ARHGEF12: variants seen among roughly 807,000 people sequenced by gnomAD.
The protein encoded by ARHGEF12 is Rho guanine nucleotide exchange factor 12.
Under a neutral mutation model 211.2 loss-of-function variants are expected in ARHGEF12, and 66 were observed. The ratio of observed to expected loss-of-function variants is 0.31; its 90% CI spans 0.26 to 0.38. The LOEUF (loss-of-function observed/expected upper bound fraction) is 0.38, where lower values mean the gene tolerates loss of function less well. ARHGEF12 is among the 10% of genes least tolerant of loss of function. The pLI, the probability that ARHGEF12 is intolerant of heterozygous loss-of-function variation, is 1.00. For synonymous variants in ARHGEF12, 592 were observed against 638.4 expected, an observed-to-expected ratio of 0.93 and a Z score of 1.09; for missense variants, 1,429 against 1,869.5, an observed-to-expected ratio of 0.76 and a Z score of 4.34.
intron 1 of ARHGEF12, among the ~76,000 whole-genome samples, chr11:120,389,140 G>A (rs1565446303): frequency 6.6e-6 from 1 of 152,160 alleles, no homozygotes; most frequent in Non-Finnish European, 1.5e-5. Context: ...CAAGGTGCTA[G>A]GATTACAGGC....
In ARHGEF12 at chr11:120,475,523, G is replaced by A. The variant is rs1947002466; in HGVS notation, c.3277+16G>A. The A allele has an allele frequency of 8.7e-6, 14 of 1,610,266 alleles. No individual in the cohort carries two copies. The highest frequency in any genetic ancestry group is 1.7e-5 in the Admixed American group (1 of 59,762). ...GTGGCAACAGGCAAGTATGTCCACT[G>A]AAGGATACTAATTTCCAGATTCATT... On this transcript the variant is annotated intron_variant, in intron 33 of 40. Coordinates refer to ENST00000397843, the MANE Select transcript of ARHGEF12 (RefSeq NM_015313.3).
chr11:120,349,963 G>A (rs1158260417), intron 1 of ARHGEF12, among the ~76,000 whole-genome samples: 4 of 152,264 alleles, frequency 2.6e-5, no homozygotes, highest in East Asian at 3.9e-4. Flanking sequence ...AATTCAGACC[G>A]TGGAACATCT....
chr11:120,437,747 G>T (rs1422441462), intron 12 of ARHGEF12, among the ~76,000 whole-genome samples: 2 of 151,960 alleles, frequency 1.3e-5, no homozygotes, highest in South Asian at 4.2e-4. Flanking sequence ...CTTCCCCCTA[G>T]CCCCTGGCAG....
chr11:120,478,104 AAGTT>A, intron 36 of ARHGEF12, 48 bp from the exon 37 acceptor site: 1 of 1,280,008 alleles, frequency 7.8e-7, no homozygotes, highest in Non-Finnish European at 1.1e-6. Context: ...TTCATGTTAA[AAGTT>A]AAAAGCTTTG....
At chr11:120,421,119 G>A (rs1002658595) in intron 5 of ARHGEF12, among the ~76,000 whole-genome samples, 7 of 152,118 alleles carry the variant, frequency 4.6e-5, no homozygotes, top group African/African-American at 1.7e-4. Context: ...CCACACAAAA[G>A]TTTCTGAAAT....
At chr11:120,484,905 T>C (rs934836519) in intron 40 of ARHGEF12, among the ~76,000 whole-genome samples, 162 bp from the exon 41 acceptor site, 1 of 152,224 alleles carries the variant, frequency 6.6e-6, no homozygotes, top group Admixed American at 6.5e-5. Context: ...CTCCCCTGAC[T>C]GCAGATGGAT....
intron 10 of ARHGEF12, 56 bp downstream of exon 10, chr11:120,429,887 G>A: frequency 6.4e-7 from 1 of 1,568,366 alleles, no homozygotes; most frequent in East Asian, 2.3e-5. Flanking sequence ...TTTCTTCTGG[G>A]AATGTGTCAG....
rs1170801124 is a variant in ARHGEF12 at position 120,487,842 on chromosome 11, C to T, written c.*2765C>T. Reference sequence around the variant, plus strand: ...CAGTTAATCAAGGCAAATCAGCAAGCCCCCAAAGTGCTGTAATTTAACATC... The same window carrying T: ...CAGTTAATCAAGGCAAATCAGCAAGTCCCCAAAGTGCTGTAATTTAACATC... On this transcript the variant is annotated 3_prime_UTR_variant, in exon 41 of 41. Transcript: ENST00000397843. 1.4e-5 allele frequency: 3 copies of T among 219,764 alleles called. No homozygotes were observed. In the East Asian group the frequency reaches 2.0e-4, roughly 15 times the overall value. The allele number at this position is 219,764 out of a possible 1,614,324, so 13.6% of individuals were successfully genotyped here. A position where few individuals can be genotyped will look rare whatever the true frequency, so the allele number is the denominator to read the frequency against.
At chr11:120,406,679 C>G (rs12363974) in intron 2 of ARHGEF12, among the ~76,000 whole-genome samples, 28,275 of 152,142 alleles carry the variant, frequency 0.19, 2,955 homozygotes, top group Non-Finnish European at 0.23. Flanking sequence ...CTGCCTCAGC[C>G]TCCCGAGTAG....
rs749298087 is a variant in ARHGEF12 at position 120,445,455 on chromosome 11, G to A, written c.1336G>A (p.Ala446Thr). 18 of 1,614,150 alleles carry A rather than the reference G, an allele frequency of 1.1e-5. No homozygotes were observed. The South Asian group carries it at 1.9e-4, about 17-fold the overall frequency. Residue 446 changes from alanine to threonine, a missense_variant, in exon 16 of 41, where the codon GCA (alanine) becomes ACA (threonine). Coordinates refer to ENST00000397843, the MANE Select transcript of ARHGEF12 (RefSeq NM_015313.3). ...AGTTTCTGTTCCTGATGAAATGTCT[G>A]CAGATCTAGGTAAGCTTGGAGCACT... is the stretch of plus-strand genomic sequence containing the variant. The part of the protein sequence containing the change: ...LKVSVPDEMS[A>T]DLEKRRPELI...
chr11:120,440,538 A>G (rs1945838318), intron 13 of ARHGEF12, among the ~76,000 whole-genome samples: 1 of 152,218 alleles, frequency 6.6e-6, no homozygotes, highest in Non-Finnish European at 1.5e-5. Flanking sequence ...GAATATGATT[A>G]GCTAGATTCT....
chr11:120,372,773 A>G (rs1029755433), intron 1 of ARHGEF12, among the ~76,000 whole-genome samples: 2 of 152,142 alleles, frequency 1.3e-5, no homozygotes, highest in African/African-American at 4.8e-5. Flanking sequence ...TGGAAAAGTT[A>G]TATAGCTTCT....
rs182257035 is a variant in ARHGEF12 at position 120,401,395 on chromosome 11, T to C, written c.33-4723T>C. Reference sequence around the variant, plus strand: ...AAATCCCTATACTTAAGAGCTCTTATGTATTGCAGACAAATGTCCTCTTAG... The same window carrying C: ...AAATCCCTATACTTAAGAGCTCTTACGTATTGCAGACAAATGTCCTCTTAG... On this transcript the variant is annotated intron_variant, in intron 1 of 40. Coordinates refer to ENST00000397843, the MANE Select transcript of ARHGEF12 (RefSeq NM_015313.3). 1.4e-4 allele frequency among the ~76,000 whole-genome samples: 21 copies of C among 152,340 alleles called. No homozygotes were observed. In the East Asian group the frequency reaches 3.3e-3, roughly 24 times the overall value.
At chr11:120,426,516 CAG>C (rs1479310189) in intron 7 of ARHGEF12, among the ~76,000 whole-genome samples, 1 of 152,098 alleles carries the variant, frequency 6.6e-6, no homozygotes, top group Non-Finnish European at 1.5e-5. Flanking sequence ...GATATCAAAT[CAG>C]AGCAGTTTAG....
In ARHGEF12 at chr11:120,445,479, C is replaced by G. The variant is rs1357164650; in HGVS notation, c.1345+15C>G. 1 of 1,613,100 alleles carries G rather than the reference C, an allele frequency of 6.2e-7. No individual in the cohort carries two copies. Among genetic ancestry groups the G allele is most frequent in the South Asian group, 1.1e-5 (1 of 91,072 alleles). ...TGCAGATCTAGGTAAGCTTGGAGCA[C>G]TAACATCCTGGAGAATTACATCTTA... On this transcript the variant is annotated intron_variant, in intron 16 of 40. Coordinates refer to ENST00000397843, the MANE Select transcript of ARHGEF12 (RefSeq NM_015313.3).
At chr11:120,367,397 G>A (rs1482216276) in intron 1 of ARHGEF12, among the ~76,000 whole-genome samples, 6 of 88,792 alleles carry the variant, frequency 6.8e-5, no homozygotes, top group African/African-American at 1.1e-4. Context: ...GTGGAGTCTC[G>A]CTCTGTCGCC....
chr11:120,440,041 C>A, intron 12 of ARHGEF12, 88 bp from the exon 13 acceptor site: 1 of 886,172 alleles, frequency 1.1e-6, no homozygotes. Context: ...TTTAAGTGAA[C>A]CATGTCTTTT....
intron 1 of ARHGEF12, among the ~76,000 whole-genome samples, chr11:120,343,978 A>G (rs1340787132): frequency 6.6e-6 from 1 of 152,140 alleles, no homozygotes; most frequent in East Asian, 1.9e-4. Flanking sequence ...TGTTGTAGAA[A>G]AACTGGCCAG....
At chr11:120,402,599 A>G (rs1380704723) in intron 1 of ARHGEF12, among the ~76,000 whole-genome samples, 1 of 152,184 alleles carries the variant, frequency 6.6e-6, no homozygotes, top group African/African-American at 2.4e-5. Flanking sequence ...ACCATTCCTT[A>G]TTAAGAAGAA....
Sources: gnomAD v4.1 joint callset for allele counts (sites outside exome capture counted in the v4.1 genomes callset) on GRCh38, gnomAD v4.1.1 for gene constraint, MANE v1.5 for transcripts, NCBI Gene and HGNC (gene_info 2026-07-23, HGNC 2026-07-21) for gene names.